Variants in LRP11 observed in about 807,000 individuals in gnomAD.
The protein encoded by LRP11 is low-density lipoprotein receptor-related protein 11.
LRP11 carries 25 observed loss-of-function variants against 43.1 expected under a neutral mutation model. The ratio of observed to expected loss-of-function variants is 0.58; its 90% CI spans 0.42 to 0.81. LRP11 has a LOEUF of 0.81. LRP11 is among the 30% of genes least tolerant of loss of function. The probability of loss-of-function intolerance (pLI) is 0.00; values close to 1 mark genes in which losing one functional copy is unlikely to be tolerated. For synonymous variants in LRP11, 316 were observed against 299.4 expected, an observed-to-expected ratio of 1.06 and a Z score of -0.57; for missense variants, 623 against 665.1, an observed-to-expected ratio of 0.94 and a Z score of 0.70.
intron 4 of LRP11, among the ~76,000 whole-genome samples, chr6:149,836,705 T>C (rs1197083896): frequency 6.6e-6 from 1 of 151,924 alleles, no homozygotes; most frequent in Non-Finnish European, 1.5e-5. Context: ...TCCCAGCTAC[T>C]GGGGAGGCTG....
intron 5 of LRP11, among the ~76,000 whole-genome samples, chr6:149,828,489 A>C (rs954901272): frequency 5.1e-5 from 6 of 116,902 alleles, no homozygotes; most frequent in Admixed American, 9.7e-5. Context: ...AGTATGTTTT[A>C]TTTTCTTTTT....
chr6:149,829,009 T>G (rs1402501267), intron 5 of LRP11, among the ~76,000 whole-genome samples: 1 of 152,092 alleles, frequency 6.6e-6, no homozygotes, highest in Non-Finnish European at 1.5e-5. Flanking sequence ...TATAAATCAG[T>G]GATATGCAAA....
chr6:149,853,227 CTT>C (rs1420274443), intron 1 of LRP11, 67 bp from the exon 2 acceptor site: 28 of 1,332,886 alleles, frequency 2.1e-5, no homozygotes, highest in Non-Finnish European at 2.4e-5. Context: ...GGAGAGGTAT[CTT>C]GTTTGCTGAA....
In LRP11 at chr6:149,863,438, G is replaced by A; in HGVS notation, c.583C>T (p.Leu195=). The A allele has an allele frequency of 2.3e-6, 3 of 1,322,642 alleles. No homozygotes were observed. The highest frequency in any genetic ancestry group is 2.9e-6 in the Non-Finnish European group (3 of 1,044,562). The allele number at this position is 1,322,642 out of a possible 1,614,324, so 81.9% of individuals were successfully genotyped here. A position where few individuals can be genotyped will look rare whatever the true frequency, so the allele number is the denominator to read the frequency against. Residue 195 remains leucine (L), a synonymous_variant, in exon 1 of 7, where the codon CTG becomes TTG. Coordinates refer to ENST00000239367, the MANE Select transcript of LRP11 (RefSeq NM_032832.6). ...SLSRAPDGAA[L]ATARASPRQE... is the part of the protein sequence containing the mutation. ...CGGGGCGAGGCGCGCGCGGTGGCCAGGGCGGCGCCGTCCGGCGCGCGGCTG... is the reference window on the plus strand; with the variant it reads ...CGGGGCGAGGCGCGCGCGGTGGCCAAGGCGGCGCCGTCCGGCGCGCGGCTG...
intron 2 of LRP11, among the ~76,000 whole-genome samples, chr6:149,843,505 T>C (rs1776584129): frequency 6.6e-6 from 1 of 152,054 alleles, no homozygotes; most frequent in South Asian, 2.1e-4. Flanking sequence ...CCTGGTACCC[T>C]ACCTGTACCC....
chr6:149,833,863 C>CT (rs1029580584), intron 5 of LRP11, among the ~76,000 whole-genome samples: 1 of 151,954 alleles, frequency 6.6e-6, no homozygotes, highest in African/African-American at 2.4e-5. Context: ...GCATTATTTT[C>CT]TTTTTTTTCC....
Position 149,843,128 on chromosome 6 carries a change from C to T in LRP11, c.772-4G>A, listed in dbSNP as rs1256778749. ...TCAGGGTTCCTGATTGAGGCACCTG[C>T]CACACAGATGGGACACATCACGTCG... On this transcript the variant is annotated splice_region_variant and splice_polypyrimidine_tract_variant and intron_variant, in intron 2 of 6. Transcript: ENST00000239367. The T allele has an allele frequency of 6.2e-7, 1 of 1,614,080 alleles. No individual in the cohort carries two copies. The highest frequency in any genetic ancestry group is 1.1e-5 in the South Asian group (1 of 91,080).
At chr6:149,842,774 T>TC in intron 3 of LRP11, 1 of 1,331,754 alleles carries the variant, frequency 7.5e-7, no homozygotes, top group Non-Finnish European at 1.1e-6. Context: ...CCTGGAGTGC[T>TC]TCCTCCACCC....
chr6:149,846,749 C>A (rs1776638262), intron 2 of LRP11, among the ~76,000 whole-genome samples: 1 of 151,912 alleles, frequency 6.6e-6, no homozygotes, highest in Non-Finnish European at 1.5e-5. Flanking sequence ...ACCAGCCTGG[C>A]CAACAATGGT....
intron 5 of LRP11, among the ~76,000 whole-genome samples, chr6:149,828,099 G>A (rs923497882): frequency 6.6e-6 from 1 of 151,882 alleles, no homozygotes; most frequent in Non-Finnish European, 1.5e-5. Flanking sequence ...ACTGAGGCAG[G>A]AGAATCACTT....
At chr6:149,828,663 A>AT (rs1776371645) in intron 5 of LRP11, among the ~76,000 whole-genome samples, 2 of 151,358 alleles carry the variant, frequency 1.3e-5, no homozygotes, top group Middle Eastern at 3.4e-3. Context: ...TAATTTTTCT[A>AT]TTTTTTTGTA....
Position 149,863,520 on chromosome 6 carries a change from CGCCGT to C in LRP11, c.496_500del (p.Thr166AlafsTer45). 1 of 1,348,794 alleles carries C rather than the reference CGCCGT, an allele frequency of 7.4e-7. No homozygotes were observed. Among genetic ancestry groups the C allele is most frequent in the Non-Finnish European group, 9.4e-7 (1 of 1,059,920 alleles). 83.6% of individuals were successfully genotyped at this position (1,348,794 alleles called of 1,614,324 possible). A position where few individuals can be genotyped will look rare whatever the true frequency, so the allele number is the denominator to read the frequency against. On this transcript the variant is annotated frameshift_variant, in exon 1 of 7. Coordinates refer to ENST00000239367, the MANE Select transcript of LRP11 (RefSeq NM_032832.6). LOFTEE classifies it high-confidence loss of function. Reference sequence around the variant, plus strand: ...CGAACTTGCAGACGTTGCGGCCGCGCGCCGTGCAGTTGAAGAGGTAGCAGCCGAGC... The same window carrying C: ...CGAACTTGCAGACGTTGCGGCCGCGCGCAGTTGAAGAGGTAGCAGCCGAGC...
chr6:149,853,375 T>C (rs1042560001), intron 1 of LRP11, among the ~76,000 whole-genome samples: 2 of 152,132 alleles, frequency 1.3e-5, no homozygotes, highest in African/African-American at 4.8e-5. Context: ...GGTAGCGATT[T>C]TGGGTACAAG....
At chr6:149,856,828 C>T (rs561918190) in intron 1 of LRP11, among the ~76,000 whole-genome samples, 4 of 152,186 alleles carry the variant, frequency 2.6e-5, no homozygotes, top group South Asian at 2.1e-4. Context: ...TGTGTGGGAA[C>T]GAATGGTATA....
chr6:149,863,341 A>C, intron 1 of LRP11, 67 bp downstream of exon 1: 7 of 1,295,504 alleles, frequency 5.4e-6, no homozygotes, highest in Non-Finnish European at 6.8e-6. Context: ...TTTCGCTTCC[A>C]ACTTGGCGAG....
At chr6:149,839,880 T>C (rs79867933) in intron 3 of LRP11, among the ~76,000 whole-genome samples, 5,575 of 152,234 alleles carry the variant, frequency 0.037, 361 homozygotes, top group African/African-American at 0.13. Flanking sequence ...GTGTATCTTA[T>C]AAAATATACT....
chr6:149,822,080 G>A (rs1197078661), intron 6 of LRP11, among the ~76,000 whole-genome samples: 1 of 152,306 alleles, frequency 6.6e-6, no homozygotes, highest in Admixed American at 6.5e-5. Flanking sequence ...AGGCACGGTG[G>A]CTCAGGCCTG....
At chr6:149,825,204 C>G (rs1229949392) in intron 6 of LRP11, among the ~76,000 whole-genome samples, 1 of 152,138 alleles carries the variant, frequency 6.6e-6, no homozygotes, top group Non-Finnish European at 1.5e-5. Flanking sequence ...TCTAAAGCTT[C>G]TTTTACTAGT....
chr6:149,847,862 CACACACACACACACACAT>C (rs1346654642), intron 2 of LRP11, among the ~76,000 whole-genome samples: 52 of 141,198 alleles, frequency 3.7e-4, no homozygotes, highest in African/African-American at 1.4e-3. Context: ...CACACACACA[CACACACACACACACACAT>C]TGTATATACT....
Sources: allele counts gnomAD v4.1 joint callset (sites outside exome capture counted in the v4.1 genomes callset), GRCh38; gene constraint gnomAD v4.1.1; transcripts MANE v1.5; gene names NCBI Gene and HGNC (gene_info 2026-07-23, HGNC 2026-07-21).